The following CSF2RA variants were observed in gnomAD, a reference collection of about 807,000 sequenced individuals.
CSF2RA encodes the protein colony stimulating factor 2 receptor subunit alpha.
CSF2RA carries 42 observed loss-of-function variants against 51.6 expected under a neutral mutation model. The ratio of observed to expected loss-of-function variants is 0.81; its 90% CI spans 0.64 to 1.05. CSF2RA has a LOEUF of 1.05. Ranked by LOEUF, CSF2RA falls within the 50% of genes least tolerant of loss-of-function variation. The probability of loss-of-function intolerance (pLI) is 0.00; values close to 1 mark genes in which losing one functional copy is unlikely to be tolerated. For missense variants in CSF2RA, 530 were observed against 501.1 expected, an observed-to-expected ratio of 1.06 and a Z score of -0.55; for synonymous variants, 222 against 193.0, an observed-to-expected ratio of 1.15 and a Z score of -1.24.
intron 1 of CSF2RA, among the ~76,000 whole-genome samples, chrX:1,271,605 C>T: frequency 6.6e-6 from 1 of 152,078 alleles, no homozygotes; most frequent in Non-Finnish European, 1.5e-5. Flanking sequence ...TAACCTCCGC[C>T]TCCCGGGTTC....
At chrX:1,280,898 CCTCCTG>C (rs1161051530) in intron 2 of CSF2RA, among the ~76,000 whole-genome samples, 97 of 124,810 alleles carry the variant, frequency 7.8e-4, no homozygotes, top group Non-Finnish European at 1.2e-3. Context: ...TCCTCCTCCT[CCTCCTG>C]CTCCTTCTCC....
chrX:1,305,052 G>C (rs2083424341), intron 11 of CSF2RA, among the ~76,000 whole-genome samples: 1 of 149,118 alleles, frequency 6.7e-6, no homozygotes, highest in Non-Finnish European at 1.5e-5. Context: ...GGAGTGCAGT[G>C]GTGCAATCTC....
At chrX:1,309,065 C>T (rs1197641583) in intron 12 of CSF2RA, among the ~76,000 whole-genome samples, 1 of 152,052 alleles carries the variant, frequency 6.6e-6, no homozygotes, top group Admixed American at 6.6e-5. Flanking sequence ...CCCATCTCCA[C>T]TGAAAGTACA....
chrX:1,306,844 T>C (rs1382787728), intron 12 of CSF2RA, among the ~76,000 whole-genome samples: 1 of 126,194 alleles, frequency 7.9e-6, no homozygotes, highest in Non-Finnish European at 1.7e-5. Flanking sequence ...CAGAGAGACA[T>C]AGGTGGACAC....
chrX:1,305,321 T>G (rs1569511719), intron 11 of CSF2RA, 125 bp from the exon 12 acceptor site: 1 of 1,077,492 alleles, frequency 9.3e-7, no homozygotes. Flanking sequence ...TGGTGATTCT[T>G]AGTGAAGTTT....
chrX:1,297,189 A>T (rs28726158), intron 9 of CSF2RA, among the ~76,000 whole-genome samples: 68 of 3,008 alleles, frequency 0.023, no homozygotes, highest in African/African-American at 0.029. Context: ...AGTCTCCTAC[A>T]CATGACCCCT....
intron 10 of CSF2RA, chrX:1,303,161 G>T (rs2083181471): frequency 3.8e-6 from 1 of 262,364 alleles, no homozygotes; most frequent in East Asian, 5.0e-5. Flanking sequence ...AGGCTCAAGC[G>T]ATTCTCCTGC....
chrX:1,316,260 T>TGATAGATAGATAGATA, the CSF2RA span, among the ~76,000 whole-genome samples: 3 of 94,192 alleles, frequency 3.2e-5, no homozygotes. Flanking sequence ...ATTAGATAGA[T>TGATAGATAGATAGATA]GATAGATAGA....
At position 1,285,897 on chromosome X, in the gene CSF2RA, A is replaced by G; in HGVS notation, c.196A>G (p.Lys66Glu). The G allele has an allele frequency of 1.9e-6, 3 of 1,613,852 alleles. No individual in the cohort carries two copies. The highest frequency in any genetic ancestry group is 2.2e-5 in the South Asian group (2 of 91,070). ...TFSKCFLTDK[K>E]NRVVEPRLSN... The stretch of plus-strand genomic sequence containing the variant: ...CAGCAAGTGTTTCTTAACTGACAAG[A>G]AGAACAGAGTCGTGGAACCCAGGGT... Residue 66 changes from lysine (K) to glutamate (E), a missense_variant, in exon 4 of 13, where the codon AAG becomes GAG. Physicochemically the swap from Lys to Glu is moderately conservative, Grantham distance 56 (BLOSUM62 1). Coordinates refer to ENST00000381529, the MANE Select transcript of CSF2RA (RefSeq NM_172245.4).
intron 2 of CSF2RA, among the ~76,000 whole-genome samples, chrX:1,281,309 C>G: frequency 7.6e-6 from 1 of 132,406 alleles, no homozygotes; most frequent in Admixed American, 7.6e-5. Context: ...TCCTTCTCTT[C>G]CTTCTCCTCC....
chrX:1,287,756 G>A (rs1382576956), intron 4 of CSF2RA, among the ~76,000 whole-genome samples: 5 of 123,454 alleles, frequency 4.1e-5, no homozygotes, highest in Non-Finnish European at 8.4e-5. Context: ...TTTTTTGGGG[G>A]GATGGAGTCT....
the CSF2RA span, among the ~76,000 whole-genome samples, chrX:1,320,889 G>C: frequency 6.6e-6 from 1 of 150,960 alleles, no homozygotes; most frequent in South Asian, 2.1e-4. Context: ...ACCCAAGTTC[G>C]AGTACAGTGG....
chrX:1,281,658 G>C (rs1199297136), intron 2 of CSF2RA, among the ~76,000 whole-genome samples: 1 of 151,730 alleles, frequency 6.6e-6, no homozygotes, highest in Non-Finnish European at 1.5e-5. Context: ...CCCTCCATCT[G>C]CCCAACGCCA....
In CSF2RA at chrX:1,294,439, A is replaced by G; in HGVS notation, c.758A>G (p.Tyr253Cys). 1 of 1,613,886 alleles carries G rather than the reference A, an allele frequency of 6.2e-7. No individual in the cohort carries two copies. Among genetic ancestry groups the G allele is most frequent in the Non-Finnish European group, 8.5e-7 (1 of 1,179,852 alleles). ...YQKLSYLDFQ[Y>C]QLDVHRKNTQ... ...AAGCTGTCGTACCTGGACTTTCAGT[A>G]CCAGCTGGACGTCCACAGAAAGGTC... is the stretch of plus-strand genomic sequence containing the variant. The change falls in exon 8 of 13, where the codon TAC (tyrosine) becomes TGC (cysteine). Residue 253 changes from tyrosine to cysteine, a missense_variant. Tyr to Cys is a radical substitution (Grantham distance 194, BLOSUM62 -2). Transcript: ENST00000381529.
chrX:1,273,344 T>C lies in CSF2RA; in HGVS notation c.-90-1411T>C, dbSNP rs191966842. The stretch of plus-strand genomic sequence containing the variant: ...TTTTTTTTCTTTTAAGATGGTCTCA[T>C]TCTGTTTCCAAGGCTGGAGTGCAGT... On this transcript the variant is annotated intron_variant, in intron 1 of 12. Transcript: ENST00000381529. Among the ~76,000 whole-genome samples the C allele has an allele frequency of 1.5e-3, 231 of 152,010 alleles. 1 individual carries two copies. The highest frequency in any genetic ancestry group is 2.4e-3 in the Non-Finnish European group (160 of 67,966).
At chrX:1,300,738 TG>T in intron 10 of CSF2RA, 112 bp downstream of exon 10, 3 of 1,365,454 alleles carry the variant, frequency 2.2e-6, no homozygotes, top group Non-Finnish European at 3.1e-6. Flanking sequence ...AGCACGTCGC[TG>T]GGAGTAGTGT....
chrX:1,306,266 G>A (rs1408320183), intron 12 of CSF2RA, among the ~76,000 whole-genome samples: 1 of 151,884 alleles, frequency 6.6e-6, no homozygotes, highest in East Asian at 1.9e-4. Context: ...CAGAGAAACA[G>A]AGAGAGGGAG....
In CSF2RA at chrX:1,303,919, C is replaced by G. The variant is rs773446710; in HGVS notation, c.947-4C>G. ...CGCAGACGCAAACCTGTGTGTCTCT[C>G]CAGGTTCTGACGACGGGAACCTCGG... On this transcript the variant is annotated splice_polypyrimidine_tract_variant and splice_region_variant and intron_variant, in intron 10 of 12. Transcript: ENST00000381529. The G allele has an allele frequency of 1.2e-6, 2 of 1,610,366 alleles. No individual in the cohort carries two copies. Among genetic ancestry groups the G allele is most frequent in the South Asian group, 2.2e-5 (2 of 91,016 alleles).
At chrX:1,319,235 A>C in the CSF2RA span, among the ~76,000 whole-genome samples, 1 of 149,648 alleles carries the variant, frequency 6.7e-6, no homozygotes, top group Non-Finnish European at 1.5e-5. Flanking sequence ...GCCTCAGGTG[A>C]TCCACCCGGC....
Sources: gnomAD v4.1 joint callset for allele counts (sites outside exome capture counted in the v4.1 genomes callset) on GRCh38, gnomAD v4.1.1 for gene constraint, MANE v1.5 for transcripts, NCBI Gene and HGNC (gene_info 2026-07-23, HGNC 2026-07-21) for gene names.